The following MLIP variants were observed in gnomAD, a reference collection of about 807,000 sequenced individuals.
MLIP encodes the protein muscular LMNA interacting protein.
In MLIP, 79 loss-of-function variants were observed where a neutral mutation model predicts 84.8. The ratio of observed to expected loss-of-function variants is 0.93; its 90% CI spans 0.78 to 1.12. MLIP has a LOEUF of 1.12. Ranked by LOEUF, MLIP falls within the 50% of genes most tolerant of loss-of-function variation. The probability of loss-of-function intolerance (pLI) is 0.00; values close to 1 mark genes in which losing one functional copy is unlikely to be tolerated. For missense variants in MLIP, 1,257 were observed against 1,160.6 expected, an observed-to-expected ratio of 1.08 and a Z score of -1.21; for synonymous variants, 504 against 463.0, an observed-to-expected ratio of 1.09 and a Z score of -1.14.
intron 9 of MLIP, among the ~76,000 whole-genome samples, chr6:54,179,880 C>T (rs1183880175): frequency 6.6e-6 from 1 of 152,090 alleles, no homozygotes; most frequent in Non-Finnish European, 1.5e-5. Context: ...TGTGTGCCTA[C>T]TATTACCAGT....
Position 54,084,495 on chromosome 6 carries a change from G to A in MLIP, c.64-36952G>A, listed in dbSNP as rs573532524. ...CCTAGATGTCAGTGAAATAAGACAG[G>A]GAGAGGGTATTTATTTAATCCACCA... is the stretch of plus-strand genomic sequence containing the variant. On this transcript the variant is annotated intron_variant, in intron 1 of 12. Coordinates refer to the MLIP transcript ENST00000274897. Among the ~76,000 whole-genome samples, 82 of 152,210 alleles carry A rather than the reference G, an allele frequency of 5.4e-4. 1 individual carries two copies. The highest frequency in any genetic ancestry group is 1.4e-3 in the East Asian group (7 of 5,154).
chr6:54,104,092 C>A (rs9357790), intron 1 of MLIP, among the ~76,000 whole-genome samples: 1 of 152,006 alleles, frequency 6.6e-6, no homozygotes, highest in Non-Finnish European at 1.5e-5. Context: ...CTGAGTAATA[C>A]AGGTAAATTT....
chr6:54,242,774 T>C (rs1446930955), intron 12 of MLIP, among the ~76,000 whole-genome samples: 3 of 152,210 alleles, frequency 2.0e-5, no homozygotes, highest in South Asian at 4.1e-4. Context: ...ATAAGCAGTC[T>C]ACAATTGTAC....
At position 54,212,594 on chromosome 6, in the gene MLIP, T is replaced by C. The variant is rs575540009; in HGVS notation, c.2718+10361T>C. On this transcript the variant is annotated intron_variant, in intron 11 of 13. Transcript: ENST00000502396. ...ACATGCATGGGCTTGCCCCCGCCCC[T>C]GCAATTTGGATAGAGCAATTTTGGG... Among the ~76,000 whole-genome samples the C allele has an allele frequency of 1.6e-3, 243 of 152,318 alleles. 2 individuals carry two copies. Among genetic ancestry groups the C allele is most frequent in the African/African-American group, 5.0e-3 (208 of 41,566 alleles).
At chr6:54,106,814 C>A (rs558275210), upstream of MLIP, among the ~76,000 whole-genome samples, 18 of 152,218 alleles carry the variant, frequency 1.2e-4, no homozygotes, top group South Asian at 2.7e-3. Flanking sequence ...GTGAAGTCAT[C>A]CAGAGAAGCC....
chr6:54,057,483 G>T (rs2150326346), intron 1 of MLIP, among the ~76,000 whole-genome samples: 1 of 152,268 alleles, frequency 6.6e-6, no homozygotes, highest in East Asian at 1.9e-4. Flanking sequence ...TAAAATGCTT[G>T]CATATTTGCA....
intron 12 of MLIP, among the ~76,000 whole-genome samples, chr6:54,252,483 T>TATAACATATAATATATA (rs1782701211): frequency 7.2e-6 from 1 of 139,622 alleles, no homozygotes; most frequent in African/African-American, 2.7e-5. Flanking sequence ...TATAATATAT[T>TATAACATATAATATATA]ATAACATAAT....
At chr6:54,150,506 C>G (rs1038286421) in intron 5 of MLIP, among the ~76,000 whole-genome samples, 2 of 152,160 alleles carry the variant, frequency 1.3e-5, no homozygotes, top group African/African-American at 4.8e-5. Flanking sequence ...ATTTCTGGAA[C>G]CTGGTCACAA....
At chr6:54,070,122 T>G (rs907554889) in intron 1 of MLIP, among the ~76,000 whole-genome samples, 1 of 152,152 alleles carries the variant, frequency 6.6e-6, no homozygotes, top group Non-Finnish European at 1.5e-5. Context: ...TGCTCTCTGT[T>G]GTGTTAAGTG....
At chr6:54,101,712 C>T (rs1768663368) in intron 1 of MLIP, among the ~76,000 whole-genome samples, 1 of 152,080 alleles carries the variant, frequency 6.6e-6, no homozygotes, top group South Asian at 2.1e-4. Context: ...AGCCATTCAA[C>T]AATAATTTCC....
At chr6:54,106,005 A>G (rs1768981989) in intron 1 of MLIP, among the ~76,000 whole-genome samples, 2 of 152,188 alleles carry the variant, frequency 1.3e-5, no homozygotes, top group Non-Finnish European at 2.9e-5. Flanking sequence ...TCTTGCTGCT[A>G]TATGGAAGAT....
At chr6:54,035,398 C>T (rs1764370951) in intron 1 of MLIP, among the ~76,000 whole-genome samples, 1 of 152,018 alleles carries the variant, frequency 6.6e-6, no homozygotes, top group Non-Finnish European at 1.5e-5. Flanking sequence ...CAATGTTTAG[C>T]TATTATAAAT....
At chr6:54,253,350 G>A (rs970594113) in intron 12 of MLIP, among the ~76,000 whole-genome samples, 1 of 152,102 alleles carries the variant, frequency 6.6e-6, no homozygotes, top group African/African-American at 2.4e-5. Context: ...GTTGACAAGA[G>A]GATGTGGTTG....
At chr6:54,085,758 C>T (rs1767444114) in intron 1 of MLIP, among the ~76,000 whole-genome samples, 1 of 152,170 alleles carries the variant, frequency 6.6e-6, no homozygotes, top group Non-Finnish European at 1.5e-5. Flanking sequence ...GGCTGACTCA[C>T]ACAAGCATCT....
intron 1 of MLIP, among the ~76,000 whole-genome samples, chr6:54,100,844 G>A (rs1768592562): frequency 6.6e-6 from 1 of 152,104 alleles, no homozygotes; most frequent in South Asian, 2.1e-4. Flanking sequence ...CCCAGACTGT[G>A]AAAACACATT....
intron 1 of MLIP, among the ~76,000 whole-genome samples, chr6:54,081,033 C>G (rs1244784312): frequency 6.6e-6 from 1 of 151,986 alleles, no homozygotes; most frequent in Non-Finnish European, 1.5e-5. Context: ...ATGATTCTGC[C>G]TAAGTGCCCT....
chr6:54,209,039 A>C (rs533349979), intron 11 of MLIP, among the ~76,000 whole-genome samples: 4 of 152,336 alleles, frequency 2.6e-5, no homozygotes, highest in African/African-American at 9.6e-5. Flanking sequence ...CATAATGAAA[A>C]TTGGGGGTAT....
chr6:54,028,746 G>T (rs1763960895), intron 1 of MLIP: 1 of 152,206 alleles, frequency 6.6e-6, no homozygotes, highest in Non-Finnish European at 1.5e-5. Flanking sequence ...GGAAGGAAAA[G>T]AAAGAGCTGG....
intron 1 of MLIP, 105 bp downstream of exon 1, chr6:54,111,680 T>C (rs1162134725): frequency 2.6e-6 from 3 of 1,144,312 alleles, no homozygotes; most frequent in Non-Finnish European, 3.7e-6. Context: ...CCAGTGAAGA[T>C]AAATTTGTAT....
Sources: gnomAD v4.1 joint callset for allele counts (sites outside exome capture counted in the v4.1 genomes callset) on GRCh38, gnomAD v4.1.1 for gene constraint, MANE v1.5 for transcripts, NCBI Gene and HGNC (gene_info 2026-07-23, HGNC 2026-07-21) for gene names.